ACCSL: variants seen among roughly 807,000 people sequenced by gnomAD.
ACCSL encodes 1-aminocyclopropane-1-carboxylate synthase homolog (inactive) like.
ACCSL carries 55 observed loss-of-function variants against 61.7 expected under a neutral mutation model. The observed-to-expected ratio is 0.89, with a 90% CI of 0.72 to 1.12. The LOEUF (loss-of-function observed/expected upper bound fraction) is 1.12. Ranked by LOEUF, ACCSL falls within the 50% of genes most tolerant of loss-of-function variation. ACCSL has a pLI of 0.00. For synonymous variants in ACCSL, 258 were observed against 264.3 expected (o/e 0.98, Z 0.23); for missense variants, 632 against 698.0 (o/e 0.91, Z 1.07).
chr11:44,052,654 G>A lies in ACCSL; in HGVS notation c.773-8G>A. 6.2e-7 allele frequency: 1 copy of A among 1,612,678 alleles called. No homozygotes were observed. Among genetic ancestry groups the A allele is most frequent in the Non-Finnish European group, 8.5e-7 (1 of 1,178,694 alleles). On this transcript the variant is annotated splice_polypyrimidine_tract_variant and splice_region_variant and intron_variant, in intron 5 of 13. Transcript: ENST00000378832. Reference sequence around the variant, plus strand: ...TGGACTGATAGCTCTGTCTCTCTGTGTTTCCAGAGGCCTTCCTGGTCCCTG... The same window carrying A: ...TGGACTGATAGCTCTGTCTCTCTGTATTTCCAGAGGCCTTCCTGGTCCCTG...
intron 3 of ACCSL, 65 bp from the exon 4 acceptor site, chr11:44,051,270 C>A (rs1952636278): frequency 6.5e-7 from 1 of 1,532,940 alleles, no homozygotes. Flanking sequence ...TGGACAATGA[C>A]CATCTAGACC....
At chr11:44,055,859 G>A (rs1301205391) in intron 9 of ACCSL, among the ~76,000 whole-genome samples, 181 bp from the exon 10 acceptor site, 1 of 152,262 alleles carries the variant, frequency 6.6e-6, no homozygotes, top group African/African-American at 2.4e-5. Context: ...GTGCCCTCTA[G>A]GTCTTCAGGA....
At chr11:44,014,160 A>G in the ACCSL span, among the ~76,000 whole-genome samples, 1 of 152,226 alleles carries the variant, frequency 6.6e-6, no homozygotes, top group Non-Finnish European at 1.5e-5. Flanking sequence ...ACCGCATCTT[A>G]CATCTTAAGA....
At chr11:43,958,843 G>T in the ACCSL span, among the ~76,000 whole-genome samples, 2 of 152,068 alleles carry the variant, frequency 1.3e-5, no homozygotes, top group East Asian at 1.9e-4. Flanking sequence ...TTTCTCTGAG[G>T]TGCCCTTGGC....
chr11:44,020,068 A>G, the ACCSL span, among the ~76,000 whole-genome samples: 2 of 152,236 alleles, frequency 1.3e-5, no homozygotes, highest in African/African-American at 2.4e-5. Flanking sequence ...CCATAAATGT[A>G]AAGGTTTACA....
chr11:44,050,373 T>C (rs183999031), intron 2 of ACCSL, among the ~76,000 whole-genome samples, 179 bp from the exon 3 acceptor site: 84 of 152,294 alleles, frequency 5.5e-4, no homozygotes, highest in South Asian at 2.1e-4. Context: ...GGTATCTACT[T>C]GTGTAATTTA....
At chr11:43,971,140 C>T in the ACCSL span, among the ~76,000 whole-genome samples, 5 of 152,172 alleles carry the variant, frequency 3.3e-5, no homozygotes, top group African/African-American at 1.2e-4. Flanking sequence ...CAAGACCAGC[C>T]TGGCCAACAT....
chr11:44,044,578 G>C (rs534376086), upstream of ACCSL, among the ~76,000 whole-genome samples: 2 of 152,182 alleles, frequency 1.3e-5, no homozygotes, highest in Admixed American at 1.3e-4. Context: ...ATACCCAGAA[G>C]GAAGAATCTG....
the ACCSL span, among the ~76,000 whole-genome samples, chr11:44,030,840 T>TAACA: frequency 6.6e-6 from 1 of 152,136 alleles, no homozygotes; most frequent in Non-Finnish European, 1.5e-5. Context: ...AAGGTCTGAC[T>TAACA]AACACATCTA....
chr11:43,997,822 G>A, the ACCSL span, among the ~76,000 whole-genome samples: 12 of 152,214 alleles, frequency 7.9e-5, no homozygotes, highest in African/African-American at 2.9e-4. Context: ...ATTCAGCAGT[G>A]CTAGCAGCAG....
At chr11:43,956,476 A>G in the ACCSL span, among the ~76,000 whole-genome samples, 2 of 152,078 alleles carry the variant, frequency 1.3e-5, no homozygotes, top group Non-Finnish European at 1.5e-5. Flanking sequence ...CTGGGGTGCA[A>G]TGGCATGATC....
In ACCSL at chr11:44,048,351, C is replaced by T. The variant is rs1266118245; in HGVS notation, c.315C>T (p.Val105=). ...CTTCTGAGGACTCTAGGGGTGATGT[C>T]AGATATGGGCAGAGGGCCCAACTCT... is the stretch of plus-strand genomic sequence containing the variant. ...PLPSEDSRGD[V]RYGQRAQLSG... is the part of the protein sequence containing the mutation. Residue 105 remains valine (V), a synonymous_variant, in exon 1 of 14, where the codon GTC becomes GTT. Transcript: ENST00000378832. 3 of 1,613,972 alleles carry T rather than the reference C, an allele frequency of 1.9e-6. No individual in the cohort carries two copies. The African/African-American group carries it at 4.0e-5, about 22-fold the overall frequency.
At chr11:43,925,588 G>A in the ACCSL span, 1 of 399,052 alleles carries the variant, frequency 2.5e-6, no homozygotes, top group Non-Finnish European at 5.1e-6. Context: ...GGGGGTACAT[G>A]CTCCCTCTTA....
At chr11:43,974,243 G>C in the ACCSL span, among the ~76,000 whole-genome samples, 1 of 152,236 alleles carries the variant, frequency 6.6e-6, no homozygotes, top group Non-Finnish European at 1.5e-5. Context: ...GTAATTCACA[G>C]TGTTGGCAGG....
the ACCSL span, among the ~76,000 whole-genome samples, chr11:44,042,966 C>G: frequency 6.6e-6 from 1 of 151,560 alleles, no homozygotes; most frequent in Non-Finnish European, 1.5e-5. Context: ...GCCTGTGATA[C>G]CAGTTACTCG....
At chr11:44,019,240 A>G in the ACCSL span, among the ~76,000 whole-genome samples, 105 of 152,344 alleles carry the variant, frequency 6.9e-4, no homozygotes, top group African/African-American at 2.4e-3. Context: ...TTATGAACAT[A>G]TGTGTACAAG....
At chr11:43,985,685 T>G in the ACCSL span, among the ~76,000 whole-genome samples, 1 of 152,122 alleles carries the variant, frequency 6.6e-6, no homozygotes, top group African/African-American at 2.4e-5. Flanking sequence ...GAAATACAAA[T>G]AGTAGATGAT....
chr11:44,035,211 T>C, the ACCSL span, among the ~76,000 whole-genome samples: 5 of 152,016 alleles, frequency 3.3e-5, no homozygotes, highest in Admixed American at 3.3e-4. Context: ...ATTATACTTA[T>C]TTATATATGT....
At chr11:43,940,147 A>G in the ACCSL span, among the ~76,000 whole-genome samples, 17 of 151,704 alleles carry the variant, frequency 1.1e-4, no homozygotes, top group African/African-American at 4.1e-4. Flanking sequence ...TATTGTTATT[A>G]TTATTATTAC....
Sources: allele counts gnomAD v4.1 joint callset (sites outside exome capture counted in the v4.1 genomes callset), GRCh38; gene constraint gnomAD v4.1.1; transcripts MANE v1.5; gene names NCBI Gene and HGNC (gene_info 2026-07-23, HGNC 2026-07-21).